The following KCTD16 variants were observed in gnomAD, a reference collection of about 807,000 sequenced individuals.
KCTD16 encodes the protein BTB/POZ domain-containing protein KCTD16.
KCTD16 carries 13 observed loss-of-function variants against 33.2 expected under a neutral mutation model. That is an observed-to-expected ratio of 0.39 (90% CI 0.25 to 0.62). The LOEUF (loss-of-function observed/expected upper bound fraction) is 0.62. Ranked by LOEUF, KCTD16 falls within the 20% of genes least tolerant of loss-of-function variation. The pLI is 0.50. For synonymous variants in KCTD16, 197 were observed against 195.3 expected, an observed-to-expected ratio of 1.01 and a Z score of -0.07; for missense variants, 441 against 525.1, an observed-to-expected ratio of 0.84 and a Z score of 1.57.
chr5:144,262,015 C>T (rs556351703), intron 3 of KCTD16, among the ~76,000 whole-genome samples: 16 of 152,284 alleles, frequency 1.1e-4, no homozygotes, highest in African/African-American at 3.9e-4. Context: ...GTGCTAGACA[C>T]AGGGAGTGCT....
rs566659089 is a variant in KCTD16, at chr5:144,237,163, T to C, written c.832+29617T>C. On this transcript the variant is annotated intron_variant, in intron 3 of 3. Coordinates refer to ENST00000512467, the MANE Select transcript of KCTD16 (RefSeq NM_020768.4). ...TGTTTCTCCTACTCTGAAATTCTGG[T>C]TGCTTGTGGCTTTGCCAGTTACATG... Among the ~76,000 whole-genome samples, 70 of 152,222 alleles carry C rather than the reference T, an allele frequency of 4.6e-4. 2 individuals are homozygous for C. The South Asian group carries it at 0.013, about 29-fold the overall frequency.
intron 3 of KCTD16, among the ~76,000 whole-genome samples, chr5:144,257,745 C>T (rs575156174): frequency 6.6e-6 from 1 of 152,224 alleles, no homozygotes; most frequent in Admixed American, 6.5e-5. Flanking sequence ...CCTCAGCCTC[C>T]CAAAGTGCTG....
intron 3 of KCTD16, among the ~76,000 whole-genome samples, chr5:144,433,276 A>T (rs577545534): frequency 6.6e-6 from 1 of 152,240 alleles, no homozygotes; most frequent in East Asian, 1.9e-4. Flanking sequence ...ATTAGAAAAT[A>T]ACAGGTCAAG....
At position 144,390,431 on chromosome 5, in the gene KCTD16, G is replaced by C. The variant is rs554940181; in HGVS notation, c.833-83229G>C. ...TGTTGGAAGGTTGTGGGGTTGGGGAGCTGGGGGGTCAGGCTCTTTTTACAG... is the reference window on the plus strand; with the variant it reads ...TGTTGGAAGGTTGTGGGGTTGGGGACCTGGGGGGTCAGGCTCTTTTTACAG... On this transcript the variant is annotated intron_variant, in intron 3 of 3. Transcript: ENST00000512467. Among the ~76,000 whole-genome samples, 28 of 152,276 alleles carry C rather than the reference G, an allele frequency of 1.8e-4. No individual in the cohort carries two copies. The East Asian group carries it at 4.4e-3, about 24-fold the overall frequency.
chr5:144,350,117 T>A (rs1751378851), intron 3 of KCTD16, among the ~76,000 whole-genome samples: 1 of 152,194 alleles, frequency 6.6e-6, no homozygotes, highest in Admixed American at 6.5e-5. Context: ...CCAGAATAAT[T>A]GGCACATTTG....
chr5:144,296,387 T>A (rs1312859637), intron 3 of KCTD16, among the ~76,000 whole-genome samples: 5 of 152,202 alleles, frequency 3.3e-5, no homozygotes, highest in Non-Finnish European at 5.9e-5. Flanking sequence ...TAATTAGAGG[T>A]AGGCATGTTG....
chr5:144,420,205 G>C (rs889629515), intron 3 of KCTD16, among the ~76,000 whole-genome samples: 5 of 152,052 alleles, frequency 3.3e-5, no homozygotes, highest in Admixed American at 1.3e-4. Context: ...TGTTCTGTGC[G>C]TTATAGGATA....
chr5:144,180,937 CT>C (rs767804405), intron 2 of KCTD16, among the ~76,000 whole-genome samples: 197 of 145,214 alleles, frequency 1.4e-3, no homozygotes, highest in Admixed American at 1.4e-3. Context: ...TTTCTTTTTT[CT>C]TTTTTTTTTT....
intron 3 of KCTD16, among the ~76,000 whole-genome samples, chr5:144,425,602 C>A (rs1316114878): frequency 6.6e-6 from 1 of 152,040 alleles, no homozygotes; most frequent in Non-Finnish European, 1.5e-5. Context: ...CTCTTGCATT[C>A]TGTAAGACTG....
At chr5:144,322,879 T>C (rs1240579729) in intron 3 of KCTD16, among the ~76,000 whole-genome samples, 7 of 152,112 alleles carry the variant, frequency 4.6e-5, no homozygotes, top group Admixed American at 2.6e-4. Flanking sequence ...AACCATAGAA[T>C]GCATATTCCA....
intron 3 of KCTD16, among the ~76,000 whole-genome samples, chr5:144,280,696 G>A (rs1432089264): frequency 1.3e-5 from 2 of 152,146 alleles, no homozygotes; most frequent in Non-Finnish European, 2.9e-5. Flanking sequence ...AGGCCAAGGC[G>A]GGCGGATCAC....
chr5:144,417,924 T>C (rs779406890), intron 3 of KCTD16, among the ~76,000 whole-genome samples: 2 of 152,162 alleles, frequency 1.3e-5, no homozygotes, highest in Non-Finnish European at 2.9e-5. Context: ...ACCCTCACAG[T>C]GAGTGTTACA....
At chr5:144,348,063 A>G (rs1457001961) in intron 3 of KCTD16, among the ~76,000 whole-genome samples, 1 of 152,128 alleles carries the variant, frequency 6.6e-6, no homozygotes, top group Non-Finnish European at 1.5e-5. Flanking sequence ...CTGGGGATAT[A>G]ACTTACTTCC....
chr5:144,334,087 A>T (rs767823085), intron 3 of KCTD16, among the ~76,000 whole-genome samples: 24 of 152,216 alleles, frequency 1.6e-4, no homozygotes, highest in Non-Finnish European at 5.9e-5. Flanking sequence ...TCACATAAAA[A>T]GAAATCCCTC....
intron 3 of KCTD16, among the ~76,000 whole-genome samples, chr5:144,239,436 A>G (rs1289247315): frequency 6.6e-6 from 1 of 152,274 alleles, no homozygotes; most frequent in East Asian, 1.9e-4. Context: ...CCCCAGAGAC[A>G]GTTGCAAAGA....
intron 3 of KCTD16, among the ~76,000 whole-genome samples, chr5:144,392,846 A>G (rs1220549180): frequency 6.6e-6 from 1 of 152,122 alleles, no homozygotes; most frequent in African/African-American, 2.4e-5. Context: ...AGCCTCCATC[A>G]ACGCAAGCCC....
At chr5:144,411,359 G>C (rs1423238804) in intron 3 of KCTD16, among the ~76,000 whole-genome samples, 1 of 152,110 alleles carries the variant, frequency 6.6e-6, no homozygotes, top group East Asian at 1.9e-4. Context: ...GGAAAGAACA[G>C]AGAACCCAGA....
rs1444387409 is a variant in KCTD16, at chr5:144,354,668, G to T, written c.833-118992G>T. 2.0e-5 allele frequency among the ~76,000 whole-genome samples: 3 copies of T among 152,268 alleles called. 1 individual carries two copies. The South Asian group carries it at 6.2e-4, about 32-fold the overall frequency. On this transcript the variant is annotated intron_variant, in intron 3 of 3. Coordinates refer to ENST00000512467, the MANE Select transcript of KCTD16 (RefSeq NM_020768.4). Reference sequence around the variant, plus strand: ...CTGCAAAATTCTGAATACATTTATTGAATAAATGATATGTCATTTTTGAGG... The same window carrying T: ...CTGCAAAATTCTGAATACATTTATTTAATAAATGATATGTCATTTTTGAGG...
chr5:144,186,226 T>G lies in KCTD16; in HGVS notation c.-327+11754T>G, dbSNP rs79807924. Among the ~76,000 whole-genome samples the G allele has an allele frequency of 4.9e-3, 741 of 152,160 alleles. 7 individuals are homozygous for G. Among genetic ancestry groups the G allele is most frequent in the African/African-American group, 0.017 (689 of 41,502 alleles). On this transcript the variant is annotated intron_variant, in intron 2 of 3. Transcript: ENST00000512467. Reference sequence around the variant, plus strand: ...TGCTACCAGGAAAGACAGCAGAGACTCTCATATGGCCAACCCAGAAAACAA... The same window carrying G: ...TGCTACCAGGAAAGACAGCAGAGACGCTCATATGGCCAACCCAGAAAACAA...
Sources: allele counts gnomAD v4.1 joint callset (sites outside exome capture counted in the v4.1 genomes callset), GRCh38; gene constraint gnomAD v4.1.1; transcripts MANE v1.5; gene names NCBI Gene and HGNC (gene_info 2026-07-23, HGNC 2026-07-21).